The following ESPL1 variants were observed in gnomAD, a reference collection of about 807,000 sequenced individuals.
The protein encoded by ESPL1 is separin.
Under a neutral mutation model 217.2 loss-of-function variants are expected in ESPL1, and 50 were observed. The ratio of observed to expected loss-of-function variants is 0.23; its 90% CI spans 0.18 to 0.29. The LOEUF is 0.29. ESPL1 is among the 10% of genes least tolerant of loss of function. The pLI is 1.00. For synonymous variants in ESPL1, 994 were observed against 1,081.3 expected (o/e 0.92, Z 1.58); for missense variants, 1,834 against 2,603.0 (o/e 0.70, Z 6.43).
chr12:53,285,201 C>T (rs1423313637), intron 17 of ESPL1, among the ~76,000 whole-genome samples: 1 of 152,126 alleles, frequency 6.6e-6, no homozygotes, highest in Admixed American at 6.6e-5. Context: ...CATTTTGTCT[C>T]CCCAATCACA....
Position 53,269,995 on chromosome 12 carries a change from C to A in ESPL1, c.1053C>A (p.Thr351=). 1 of 1,614,176 alleles carries A rather than the reference C, an allele frequency of 6.2e-7. No homozygotes were observed. Among genetic ancestry groups the A allele is most frequent in the Non-Finnish European group, 8.5e-7 (1 of 1,180,042 alleles). Residue 351 remains threonine, a synonymous_variant, in exon 3 of 31, where the codon ACC becomes ACA. Transcript: ENST00000257934. This position sits in a 1 kb window ranked among gnomAD's most constrained non-coding sequence, Gnocchi z 6.7. ...QFFLSGLERG[T]KRRYRLDAIL... Reference sequence around the variant, plus strand: ...TCCTTTCAGGCCTGGAACGAGGCACCAAGAGGCGCTATAGACTTGATGCCA... The same window carrying A: ...TCCTTTCAGGCCTGGAACGAGGCACAAAGAGGCGCTATAGACTTGATGCCA...
At position 53,287,955 on chromosome 12, in the gene ESPL1, T is replaced by A. The variant is rs749044978; in HGVS notation, c.4177-17T>A. On this transcript the variant is annotated splice_polypyrimidine_tract_variant and intron_variant, in intron 18 of 30. Transcript: ENST00000257934. ...CTGAAGACCTCTTAGCCCTTCACCC[T>A]TTCACTCTGATCTCAGGTGAACTTC... 1 of 1,574,652 alleles carries A rather than the reference T, an allele frequency of 6.4e-7. No homozygotes were observed. The highest frequency in any genetic ancestry group is 8.6e-7 in the Non-Finnish European group (1 of 1,160,916).
chr12:53,271,788 T>A (rs1348792301), intron 5 of ESPL1, among the ~76,000 whole-genome samples: 1 of 152,106 alleles, frequency 6.6e-6, no homozygotes, highest in Non-Finnish European at 1.5e-5. Context: ...GTTATTATCA[T>A]TTATTCAGCA....
chr12:53,278,967 A>C (rs1243861689), intron 11 of ESPL1, among the ~76,000 whole-genome samples: 1 of 151,060 alleles, frequency 6.6e-6, no homozygotes, highest in Non-Finnish European at 1.5e-5. Flanking sequence ...AGCTCACTGC[A>C]ACCTCCACCT....
intron 19 of ESPL1, 32 bp downstream of exon 19, chr12:53,288,373 T>G (rs1482269348): frequency 6.4e-7 from 1 of 1,562,694 alleles, no homozygotes; most frequent in African/African-American, 1.4e-5. Context: ...GGAAGGTGCA[T>G]GTTTTGGGGG....
intron 26 of ESPL1, 46 bp downstream of exon 26, chr12:53,291,906 C>A (rs1262094504): frequency 1.3e-6 from 2 of 1,588,622 alleles, no homozygotes; most frequent in Non-Finnish European, 1.7e-6. Context: ...GGAGTGAATA[C>A]CAACTCATCC....
Position 53,289,512 on chromosome 12 carries a change from T to C in ESPL1, c.5031T>C (p.Phe1677=), listed in dbSNP as rs752137176. 4 of 1,614,204 alleles carry C rather than the reference T, an allele frequency of 2.5e-6. No homozygotes were observed. The Admixed American group carries it at 6.7e-5, about 27-fold the overall frequency. The change falls in exon 22 of 31, where the codon TTT becomes TTC. Residue 1677 remains phenylalanine, a synonymous_variant. Transcript: ENST00000257934. ...DVPLARIQRL[F]SFRALESGHF... ...CCCTGGCCCGCATCCAGCGCCTCTT[T>C]TCCTTCAGGGCTTTGGAATCTGGCC...
In ESPL1 at chr12:53,288,707, T is replaced by C. The variant is rs1384884825; in HGVS notation, c.4708+8T>C. 1 of 1,606,164 alleles carries C rather than the reference T, an allele frequency of 6.2e-7. No homozygotes were observed. The highest frequency in any genetic ancestry group is 8.5e-7 in the Non-Finnish European group (1 of 1,177,100). On this transcript the variant is annotated splice_region_variant and intron_variant, in intron 20 of 30. Coordinates refer to ENST00000257934, the MANE Select transcript of ESPL1 (RefSeq NM_012291.5). ...CAGCCCCCGTAGCCACTGGTGAATA[T>C]GCGACCCCTGATGTTGGTCACTTGG...
At position 53,289,579 on chromosome 12, in the gene ESPL1, G is replaced by A. The variant is rs771536831; in HGVS notation, c.5098G>A (p.Ala1700Thr). 6.2e-7 allele frequency: 1 copy of A among 1,613,752 alleles called. No homozygotes were observed. Among genetic ancestry groups the A allele is most frequent in the Non-Finnish European group, 8.5e-7 (1 of 1,179,944 alleles). The stretch of plus-strand genomic sequence containing the variant: ...AAAGGAGAGTTTCCAGGAGCGCCTG[G>A]CTCTGATCCCCAGTGGTATGCGGGC... ...PEKESFQERL[A>T]LIPSGVTVCV... The change falls in exon 22 of 31, where the codon GCT becomes ACT. Residue 1700 changes from alanine to threonine, a missense_variant. Ala to Thr is a moderately conservative substitution (Grantham distance 58, BLOSUM62 0). Transcript: ENST00000257934.
rs1943770326 is a variant in ESPL1 at position 53,276,694 on chromosome 12, A to T, written c.1775A>T (p.Tyr592Phe). The stretch of plus-strand genomic sequence containing the variant: ...CTGCTGAGGGAGGAGCTGCAGGCCT[A>T]CAAGGCGGTGCGGGCCGACACTGGA... ...ALLLREELQA[Y>F]KAVRADTGQE... Residue 592 changes from tyrosine (Y) to phenylalanine (F), a missense_variant, in exon 8 of 31, where the codon TAC becomes TTC. Tyr to Phe is a conservative substitution (Grantham distance 22). Around this residue, in one of 5 missense-constraint regions of ESPL1, gnomAD observed 746 missense variants for 1,077.0 expected, o/e 0.69. Transcript: ENST00000257934. 6.2e-7 allele frequency: 1 copy of T among 1,613,232 alleles called. No individual in the cohort carries two copies. Among genetic ancestry groups the T allele is most frequent in the African/African-American group, 1.3e-5 (1 of 74,926 alleles).
Position 53,283,249 on chromosome 12 carries a change from T to TGGACTATGGTGAGTCTGGGGA in ESPL1, c.2917_2920+17dup. 1 of 1,614,254 alleles carries TGGACTATGGTGAGTCTGGGGA rather than the reference T, an allele frequency of 6.2e-7. No individual in the cohort carries two copies. Among genetic ancestry groups the TGGACTATGGTGAGTCTGGGGA allele is most frequent in the Non-Finnish European group, 8.5e-7 (1 of 1,180,042 alleles). ...AAAGCAGCTGTGGAGACATCGTTTTTGGACTATGGTGAGTCTGGGGAGGAC... is the reference window on the plus strand; with the variant it reads ...AAAGCAGCTGTGGAGACATCGTTTTTGGACTATGGTGAGTCTGGGGAGGACTATGGTGAGTCTGGGGAGGAC... On this transcript the variant is annotated inframe_insertion, in exon 15 of 31. Transcript: ENST00000257934.
At chr12:53,277,019 C>T in intron 8 of ESPL1, 64 bp from the exon 9 acceptor site, 1 of 1,584,376 alleles carries the variant, frequency 6.3e-7, no homozygotes, top group Non-Finnish European at 8.6e-7. Context: ...GCAGCTAGCC[C>T]TTCCCAGGGC....
Position 53,277,009 on chromosome 12 carries a change from G to A in ESPL1, c.1941-74G>A, listed in dbSNP as rs113474898. ...TGCAAAGGGCGAGGCCAGCTGTTCT[G>A]CAGCTAGCCCTTCCCAGGGCGCTAT... On this transcript the variant is annotated intron_variant, in intron 8 of 30. Coordinates refer to ENST00000257934, the MANE Select transcript of ESPL1 (RefSeq NM_012291.5). The A allele has an allele frequency of 3.0e-4, 465 of 1,571,896 alleles. 3 individuals are homozygous for A. The African/African-American group carries it at 5.0e-3, about 17-fold the overall frequency.
In ESPL1 at chr12:53,289,462, C is replaced by T; in HGVS notation, c.4981C>T (p.Leu1661Phe). 6.2e-7 allele frequency: 1 copy of T among 1,614,198 alleles called. No individual in the cohort carries two copies. The highest frequency in any genetic ancestry group is 1.3e-5 in the African/African-American group (1 of 75,064). Residue 1661 changes from leucine to phenylalanine, a missense_variant, in exon 22 of 31, where the codon CTT becomes TTT. By Grantham distance (22) the Leu-to-Phe change is conservative (BLOSUM62 0). Coordinates refer to ENST00000257934, the MANE Select transcript of ESPL1 (RefSeq NM_012291.5). Reference sequence around the variant, plus strand: ...AGCAGACCAGCTGCAGGGGCTGAGCCTTCAGGAGATGCCTGGAGATGTCCC... The same window carrying T: ...AGCAGACCAGCTGCAGGGGCTGAGCTTTCAGGAGATGCCTGGAGATGTCCC... ...EIADQLQGLS[L>F]QEMPGDVPLA...
rs1337284271 is a variant in ESPL1 at position 53,289,429 on chromosome 12, C to G, written c.4948C>G (p.Leu1650Val). 6.2e-7 allele frequency: 1 copy of G among 1,614,052 alleles called. No individual in the cohort carries two copies. The highest frequency in any genetic ancestry group is 8.5e-7 in the Non-Finnish European group (1 of 1,180,018). The stretch of plus-strand genomic sequence containing the variant: ...CAAGGCCCAGAAGCACCGAGGATCA[C>G]TTGAAATAGCAGACCAGCTGCAGGG... ...LSKAQKHRGS[L>V]EIADQLQGLS... The change falls in exon 22 of 31, where the codon CTT becomes GTT. Residue 1650 changes from leucine to valine, a missense_variant. Coordinates refer to ENST00000257934, the MANE Select transcript of ESPL1 (RefSeq NM_012291.5).
intron 17 of ESPL1, among the ~76,000 whole-genome samples, chr12:53,284,868 C>T (rs1308447320): frequency 6.6e-6 from 1 of 151,458 alleles, no homozygotes; most frequent in Non-Finnish European, 1.5e-5. Context: ...AAAAATTAGC[C>T]AGGCATGGTG....
chr12:53,273,825 T>C (rs1279058811), intron 6 of ESPL1, among the ~76,000 whole-genome samples: 6 of 146,836 alleles, frequency 4.1e-5, no homozygotes, highest in South Asian at 2.2e-4. Flanking sequence ...ACCTGGGTTC[T>C]TGGTTTTTTG....
rs1324963865 is a variant in ESPL1 at position 53,282,013 on chromosome 12, T to A, written c.2620-251T>A. On this transcript the variant is annotated intron_variant, in intron 13 of 30. Coordinates refer to ENST00000257934, the MANE Select transcript of ESPL1 (RefSeq NM_012291.5). The surrounding 1 kb of genome is among the most constrained non-coding windows in gnomAD (Gnocchi z 4.0). ...TCATGCTCTAGTTTCTTCTCTACGTTTTTATCATTCCTAAATTGGCGGACA... is the reference window on the plus strand; with the variant it reads ...TCATGCTCTAGTTTCTTCTCTACGTATTTATCATTCCTAAATTGGCGGACA... 6.6e-6 allele frequency among the ~76,000 whole-genome samples: 1 copy of A among 152,180 alleles called. No homozygotes were observed. Among genetic ancestry groups the A allele is most frequent in the Admixed American group, 6.5e-5 (1 of 15,276 alleles).
intron 6 of ESPL1, 101 bp downstream of exon 6, chr12:53,272,958 A>AT: frequency 1.6e-6 from 2 of 1,228,734 alleles, no homozygotes; most frequent in Non-Finnish European, 2.3e-6. Flanking sequence ...GTGGGAGGTT[A>AT]ATAGCAGCAT....
Sources: allele counts gnomAD v4.1 joint callset (sites outside exome capture counted in the v4.1 genomes callset), GRCh38; gene constraint gnomAD v4.1.1; regional missense constraint gnomAD v4.1.1; non-coding constraint Gnocchi (gnomAD v3.1); transcripts MANE v1.5; gene names NCBI Gene and HGNC (gene_info 2026-07-23, HGNC 2026-07-21).